The following CELSR2 variants were observed in gnomAD, a reference collection of about 807,000 sequenced individuals.
The protein encoded by CELSR2 is EGF-like protein 2.
A neutral mutation model predicts 251.6 loss-of-function variants in CELSR2; 81 were observed. The ratio of observed to expected loss-of-function variants is 0.32; its 90% CI spans 0.27 to 0.39. CELSR2 has a LOEUF of 0.39. Ranked by LOEUF, CELSR2 falls within the 10% of genes least tolerant of loss-of-function variation. The probability of loss-of-function intolerance (pLI) is 1.00; values close to 1 mark genes in which losing one functional copy is unlikely to be tolerated. For missense variants in CELSR2, 3,365 were observed against 3,947.7 expected (o/e 0.85, Z 3.96); for synonymous variants, 1,721 against 1,670.5 (o/e 1.03, Z -0.74).
intron 14 of CELSR2, 54 bp downstream of exon 14, chr1:109,265,972 C>T (rs1489364095): frequency 3.8e-6 from 6 of 1,587,174 alleles, no homozygotes; most frequent in Non-Finnish European, 5.2e-6. Context: ...TAGGCACCTG[C>T]ACCCCAGGAA....
chr1:109,261,716 C>CA lies in CELSR2; in HGVS notation c.4298-89dup. 1.9e-6 allele frequency: 3 copies of CA among 1,544,792 alleles called. No homozygotes were observed. The highest frequency in any genetic ancestry group is 1.8e-6 in the Non-Finnish European group (2 of 1,124,890). Reference sequence around the variant, plus strand: ...ACCCCAAGCCACATACTCTATCAGCCAAATCTGGGCCCAGCCCCAGCCACT... The same window carrying CA: ...ACCCCAAGCCACATACTCTATCAGCCAAAATCTGGGCCCAGCCCCAGCCACT... On this transcript the variant is annotated intron_variant, in intron 4 of 33. Coordinates refer to ENST00000271332, the MANE Select transcript of CELSR2 (RefSeq NM_001408.3). This position sits in a 1 kb window ranked among gnomAD's most constrained non-coding sequence, Gnocchi z 4.8.
Position 109,251,813 on chromosome 1 carries a change from T to C in CELSR2, c.1734T>C (p.Phe578=). 6.2e-7 allele frequency: 1 copy of C among 1,614,106 alleles called. No homozygotes were observed. ...LDREEVDFYS[F]GVEARDHGTP... ...GGGAGGAAGTTGATTTCTACAGCTT[T>C]GGGGTAGAAGCTCGAGACCATGGCA... The change falls in exon 1 of 34, where the codon TTT becomes TTC. Residue 578 remains phenylalanine, a synonymous_variant. Coordinates refer to ENST00000271332, the MANE Select transcript of CELSR2 (RefSeq NM_001408.3). The surrounding 1 kb of genome is among the most constrained non-coding windows in gnomAD (Gnocchi z 4.9).
At chr1:109,270,334 A>T in intron 23 of CELSR2, 92 bp from the exon 24 acceptor site, 1 of 1,463,248 alleles carries the variant, frequency 6.8e-7, no homozygotes, top group Non-Finnish European at 9.4e-7. Flanking sequence ...AGCAGTTCCC[A>T]ACACCCAGGC....
rs1278177187 is a variant in CELSR2, at chr1:109,271,513, G to A, written c.7803+1G>A. On this transcript the variant is annotated splice_donor_variant, in intron 27 of 33. Transcript: ENST00000271332. LOFTEE classifies it high-confidence loss of function. Reference sequence around the variant, plus strand: ...CTTTGCTACCTGCAATTGCATCCAGGTACCTGGCCCAGCCTGTGGAGAAGG... The same window carrying A: ...CTTTGCTACCTGCAATTGCATCCAGATACCTGGCCCAGCCTGTGGAGAAGG... 1 of 1,614,162 alleles carries A rather than the reference G, an allele frequency of 6.2e-7. No individual in the cohort carries two copies.
Position 109,265,902 on chromosome 1 carries a change from C to T in CELSR2, c.5895C>T (p.Thr1965=), listed in dbSNP as rs1397656821. Residue 1965 remains threonine (T), a synonymous_variant, in exon 14 of 34, where the codon ACC becomes ACT. Coordinates refer to ENST00000271332, the MANE Select transcript of CELSR2 (RefSeq NM_001408.3). ...DRCDNPFAEV[T]TNGCEVNYDS... ...GTGACAACCCTTTTGCTGAGGTCAC[C>T]ACCAATGGCTGTGAAGGTGGGGCTC... 1 of 1,612,334 alleles carries T rather than the reference C, an allele frequency of 6.2e-7. No individual in the cohort carries two copies. The highest frequency in any genetic ancestry group is 8.5e-7 in the Non-Finnish European group (1 of 1,178,792).
intron 33 of CELSR2, 164 bp from the exon 34 acceptor site, chr1:109,273,858 C>T: frequency 8.8e-7 from 1 of 1,136,668 alleles, no homozygotes; most frequent in Non-Finnish European, 1.3e-6. Context: ...GCCACCCCTC[C>T]TAGGCTCTAC....
chr1:109,275,717 C>T lies in CELSR2; in HGVS notation c.*1668C>T, dbSNP rs1232652179. On this transcript the variant is annotated 3_prime_UTR_variant, in exon 34 of 34. Coordinates refer to ENST00000271332, the MANE Select transcript of CELSR2 (RefSeq NM_001408.3). The stretch of plus-strand genomic sequence containing the variant: ...TTTTGTTGTTGTTGTTTTTTCATGC[C>T]CCATACTACTGAATAAACTAGTTCT... 1 of 152,134 alleles carries T rather than the reference C, an allele frequency of 6.6e-6. No individual in the cohort carries two copies. The highest frequency in any genetic ancestry group is 1.5e-5 in the Non-Finnish European group (1 of 68,042). The allele number at this position is 152,134 out of a possible 1,614,324, so 9.4% of individuals were successfully genotyped here. A position where few individuals can be genotyped will look rare whatever the true frequency, so the allele number is the denominator to read the frequency against.
Position 109,269,447 on chromosome 1 carries a change from A to G in CELSR2, c.6836A>G (p.Asn2279Ser). The change falls in exon 21 of 34, where the codon AAC (asparagine) becomes AGC (serine). Residue 2279 changes from asparagine to serine, a missense_variant. Transcript: ENST00000271332. The surrounding 1 kb of genome is among the most constrained non-coding windows in gnomAD (Gnocchi z 6.4). ...AGAGTCCCCAAACGCCCGATCATCA[A>G]CACACCCGTGGTGAGCATCAGCGTC... The part of the protein sequence containing the change: ...SLRVPKRPII[N>S]TPVVSISVHD... The G allele has an allele frequency of 1.1e-5, 17 of 1,613,990 alleles. No homozygotes were observed. The highest frequency in any genetic ancestry group is 1.4e-5 in the Non-Finnish European group (17 of 1,179,980).
Position 109,252,884 on chromosome 1 carries a change from C to T in CELSR2, c.2805C>T (p.Pro935=), listed in dbSNP as rs1400003599. The change falls in exon 1 of 34, where the codon CCC becomes CCT. Residue 935 remains proline, a synonymous_variant. Transcript: ENST00000271332. The surrounding 1 kb of genome is among the most constrained non-coding windows in gnomAD (Gnocchi z 4.8). Reference sequence around the variant, plus strand: ...ATGTGTTTGTGGAAGAGAACAGCCCCATTGGGCTAGCCGTGGCCCGGGTCA... The same window carrying T: ...ATGTGTTTGTGGAAGAGAACAGCCCTATTGGGCTAGCCGTGGCCCGGGTCA... The part of the protein sequence containing the change: ...EFDVFVEENS[P]IGLAVARVTA... 6.2e-7 allele frequency: 1 copy of T among 1,612,884 alleles called. No homozygotes were observed. Among genetic ancestry groups the T allele is most frequent in the East Asian group, 2.2e-5 (1 of 44,854 alleles).
rs190112647 is a variant in CELSR2, at chr1:109,260,411, T to C, written c.3959-631T>C. ...CCCAGGTGCACAGAGGTCCTTAGTC[T>C]GGACCGCAGGGCTCAAGGTGGGAGT... is the stretch of plus-strand genomic sequence containing the variant. On this transcript the variant is annotated intron_variant, in intron 2 of 33. Transcript: ENST00000271332. Among the ~76,000 whole-genome samples, 19 of 152,284 alleles carry C rather than the reference T, an allele frequency of 1.2e-4. 1 individual carries two copies. The highest frequency in any genetic ancestry group is 4.6e-4 in the African/African-American group (19 of 41,558).
rs771512571 is a variant in CELSR2 at position 109,258,934 on chromosome 1, G to A, written c.3813G>A (p.Gly1271=). The A allele has an allele frequency of 6.2e-7, 1 of 1,611,892 alleles. No homozygotes were observed. Among genetic ancestry groups the A allele is most frequent in the South Asian group, 1.1e-5 (1 of 91,002 alleles). The change falls in exon 2 of 34, where the codon GGG becomes GGA. Residue 1271 remains glycine, a synonymous_variant. Coordinates refer to ENST00000271332, the MANE Select transcript of CELSR2 (RefSeq NM_001408.3). ...VLFRPIHPVG[G]LRCRCPPGFT... The stretch of plus-strand genomic sequence containing the variant: ...TCCGGCCCATCCACCCCGTCGGAGG[G>A]CTGCGCTGCCGCTGCCCGCCCGGCT...
Position 109,265,330 on chromosome 1 carries a change from C to T in CELSR2, c.5727+19C>T. The T allele has an allele frequency of 1.3e-6, 2 of 1,583,766 alleles. No homozygotes were observed. The highest frequency in any genetic ancestry group is 1.7e-6 in the Non-Finnish European group (2 of 1,164,300). ...CTGCAAGGTGACAGCCCCAAGCAAGCCTCCACTGTGGCCACTTGGGCCTCT... is the reference window on the plus strand; with the variant it reads ...CTGCAAGGTGACAGCCCCAAGCAAGTCTCCACTGTGGCCACTTGGGCCTCT... On this transcript the variant is annotated intron_variant, in intron 13 of 33. Coordinates refer to ENST00000271332, the MANE Select transcript of CELSR2 (RefSeq NM_001408.3).
intron 15 of CELSR2, 126 bp downstream of exon 15, chr1:109,266,332 AT>A: frequency 9.1e-7 from 1 of 1,104,622 alleles, no homozygotes; most frequent in Non-Finnish European, 1.3e-6. Context: ...CTGGGATTTC[AT>A]TTCCCATCTT....
At chr1:109,255,418 C>G (rs1655818844) in intron 1 of CELSR2, among the ~76,000 whole-genome samples, 1 of 152,212 alleles carries the variant, frequency 6.6e-6, no homozygotes, top group African/African-American at 2.4e-5. Context: ...CCACTCTCTT[C>G]CCTATGGCTG....
In CELSR2 at chr1:109,269,611, G is replaced by C; in HGVS notation, c.6980+20G>C. ...AATCCTGTGAGCCTGCACTGCCCTC[G>C]CCCCCTCAGGCTTCGGGCTGAAAGT... On this transcript the variant is annotated intron_variant, in intron 21 of 33. Transcript: ENST00000271332. This position sits in a 1 kb window ranked among gnomAD's most constrained non-coding sequence, Gnocchi z 6.4. 4.3e-6 allele frequency: 7 copies of C among 1,613,380 alleles called. No homozygotes were observed. Among genetic ancestry groups the C allele is most frequent in the Non-Finnish European group, 5.9e-6 (7 of 1,179,474 alleles).
At chr1:109,262,171 G>A in intron 5 of CELSR2, 116 bp from the exon 6 acceptor site, 1 of 1,386,372 alleles carries the variant, frequency 7.2e-7, no homozygotes, top group East Asian at 2.4e-5. Context: ...GTATATGCAT[G>A]TGTGTACGTG....
Position 109,251,795 on chromosome 1 carries a change from A to G in CELSR2, c.1716A>G (p.Glu572=), listed in dbSNP as rs1183479055. 1 of 1,614,082 alleles carries G rather than the reference A, an allele frequency of 6.2e-7. No homozygotes were observed. Among genetic ancestry groups the G allele is most frequent in the Admixed American group, 1.7e-5 (1 of 60,028 alleles). Reference sequence around the variant, plus strand: ...TGGCTGCTGAACTGGACCGGGAGGAAGTTGATTTCTACAGCTTTGGGGTAG... The same window carrying G: ...TGGCTGCTGAACTGGACCGGGAGGAGGTTGATTTCTACAGCTTTGGGGTAG... The part of the protein sequence containing the change: ...ISVAAELDRE[E]VDFYSFGVEA... Residue 572 remains glutamate (E), a synonymous_variant, in exon 1 of 34, where the codon GAA becomes GAG. Coordinates refer to ENST00000271332, the MANE Select transcript of CELSR2 (RefSeq NM_001408.3). The surrounding 1 kb of genome is among the most constrained non-coding windows in gnomAD (Gnocchi z 4.9).
At position 109,258,714 on chromosome 1, in the gene CELSR2, C is replaced by G. The variant is rs941965667; in HGVS notation, c.3593C>G (p.Pro1198Arg). Residue 1198 changes from proline (P) to arginine (R), a missense_variant, in exon 2 of 34, where the codon CCC becomes CGC. Physicochemically the swap from Pro to Arg is moderately radical, Grantham distance 103 (BLOSUM62 -2). Around this residue, in one of 5 missense-constraint regions of CELSR2, gnomAD observed 2,093 missense variants for 2,382.8 expected, o/e 0.88. Coordinates refer to ENST00000271332, the MANE Select transcript of CELSR2 (RefSeq NM_001408.3). ...GQPPGPGGGP[P>R]FLPSEDLQER... is the part of the protein sequence containing the mutation. ...CCGCCAGGGCCCGGGGGCGGGCCGCCCTTCCTGCCCTCTGAGGACCTGCAG... is the reference window on the plus strand; with the variant it reads ...CCGCCAGGGCCCGGGGGCGGGCCGCGCTTCCTGCCCTCTGAGGACCTGCAG... The G allele has an allele frequency of 2.6e-6, 4 of 1,554,448 alleles. No individual in the cohort carries two copies. The African/African-American group carries it at 5.5e-5, about 21-fold the overall frequency.
chr1:109,254,090 T>C (rs545992811), intron 1 of CELSR2, among the ~76,000 whole-genome samples: 2 of 152,328 alleles, frequency 1.3e-5, no homozygotes, highest in East Asian at 3.9e-4. Flanking sequence ...CGGGTCTGGC[T>C]TGGAGGAGGG....
Sources: gnomAD v4.1 joint callset for allele counts (sites outside exome capture counted in the v4.1 genomes callset) on GRCh38, gnomAD v4.1.1 for gene constraint, gnomAD v4.1.1 regional missense constraint, Gnocchi (gnomAD v3.1) non-coding constraint, MANE v1.5 for transcripts, NCBI Gene and HGNC (gene_info 2026-07-23, HGNC 2026-07-21) for gene names.